Variants in CEP192 observed in about 807,000 individuals in gnomAD.
The protein encoded by CEP192 is centrosomal protein 192.
A neutral mutation model predicts 271.8 loss-of-function variants in CEP192; 151 were observed. The ratio of observed to expected loss-of-function variants is 0.56; its 90% CI spans 0.49 to 0.64. The LOEUF is 0.64. Ranked by LOEUF, CEP192 falls within the 30% of genes least tolerant of loss-of-function variation. The pLI is 0.00. For missense variants in CEP192, 2,910 were observed against 3,020.5 expected (o/e 0.96, Z 0.86); for synonymous variants, 995 against 1,076.5 (o/e 0.92, Z 1.48).
chr18:13,100,553 T>TA, intron 38 of CEP192, 41 bp downstream of exon 38: 1 of 1,432,370 alleles, frequency 7.0e-7, no homozygotes, highest in Non-Finnish European at 9.8e-7. Context: ...TGTCTGCTGA[T>TA]ATATTGAGTC....
chr18:13,105,313 G>A (rs946078863), intron 40 of CEP192, among the ~76,000 whole-genome samples: 27 of 152,212 alleles, frequency 1.8e-4, no homozygotes, highest in African/African-American at 6.5e-4. Context: ...CAGACTGCCA[G>A]TGCTTACAGT....
At chr18:13,103,755 A>T (rs1391792827) in intron 39 of CEP192, 167 bp downstream of exon 39, 1 of 662,704 alleles carries the variant, frequency 1.5e-6, no homozygotes, top group Non-Finnish European at 2.7e-6. Context: ...CAGTGGTATG[A>T]ACACTGCTCA....
chr18:13,029,174 C>T (rs188151341), intron 9 of CEP192, among the ~76,000 whole-genome samples: 1 of 152,326 alleles, frequency 6.6e-6, no homozygotes, highest in Admixed American at 6.5e-5. Context: ...TTTGAAGGCA[C>T]TGGATTAATT....
chr18:13,033,676 G>A (rs1365772649), intron 11 of CEP192, among the ~76,000 whole-genome samples: 1 of 152,146 alleles, frequency 6.6e-6, no homozygotes, highest in Non-Finnish European at 1.5e-5. Flanking sequence ...GACAAAATAG[G>A]GTATAAATTA....
intron 9 of CEP192, among the ~76,000 whole-genome samples, chr18:13,019,485 T>C (rs995353272): frequency 2.6e-5 from 4 of 152,214 alleles, no homozygotes; most frequent in African/African-American, 9.6e-5. Flanking sequence ...CAAACGGATC[T>C]TTTACCTTGC....
Position 13,049,230 on chromosome 18 carries a change from G to T in CEP192, c.2439G>T (p.Leu813Phe). 3.1e-6 allele frequency: 5 copies of T among 1,614,040 alleles called. No individual in the cohort carries two copies. Among genetic ancestry groups the T allele is most frequent in the Admixed American group, 1.7e-5 (1 of 60,014 alleles). ...TGTCTGATACTTGGGATTTATCTTT[G>T]CCCAAAGAACAAACTACTCAAGACA... ...ASMSDTWDLSLPKEQTTQDIH... is the reference protein window; with the variant it reads ...ASMSDTWDLSFPKEQTTQDIH... The change falls in exon 16 of 45, where the codon TTG becomes TTT. Residue 813 changes from leucine (L) to phenylalanine (F), a missense_variant. Coordinates refer to ENST00000506447, the MANE Select transcript of CEP192 (RefSeq NM_032142.4).
Position 13,040,899 on chromosome 18 carries a change from G to A in CEP192, c.1879G>A (p.Val627Ile). 4 of 1,607,216 alleles carry A rather than the reference G, an allele frequency of 2.5e-6. No homozygotes were observed. Among genetic ancestry groups the A allele is most frequent in the Admixed American group, 1.7e-5 (1 of 59,850 alleles). ...EPIALIRKSD[V>I]SRGNLEKEMA... ...TATTGCCTTAATAAGAAAATCTGAT[G>A]TATCAAGAGGTAATTTGGAAAAAGA... The change falls in exon 14 of 45, where the codon GTA (valine) becomes ATA (isoleucine). Residue 627 changes from valine to isoleucine, a missense_variant. Val to Ile is a conservative substitution (Grantham distance 29). Transcript: ENST00000506447.
At chr18:13,016,528 A>G (rs1002726541) in intron 6 of CEP192, among the ~76,000 whole-genome samples, 3 of 152,170 alleles carry the variant, frequency 2.0e-5, no homozygotes, top group Admixed American at 6.5e-5. Context: ...GGATTTTGGA[A>G]TAGTGGATAA....
At chr18:13,057,914 GT>G (rs1396555467) in intron 20 of CEP192, 181 bp downstream of exon 20, 3 of 400,640 alleles carry the variant, frequency 7.5e-6, no homozygotes, top group African/African-American at 2.1e-5. Flanking sequence ...AAGTGAAACA[GT>G]TTTGCATTTT....
At chr18:13,073,333 A>G in intron 30 of CEP192, 148 bp downstream of exon 30, 1 of 716,826 alleles carries the variant, frequency 1.4e-6, no homozygotes, top group Admixed American at 3.1e-5. Flanking sequence ...AGTAATTTAT[A>G]TGCTTTGTAG....
chr18:13,024,124 T>A (rs1194453190), intron 9 of CEP192, among the ~76,000 whole-genome samples: 1 of 152,238 alleles, frequency 6.6e-6, no homozygotes, highest in Non-Finnish European at 1.5e-5. Flanking sequence ...CATCTATTTC[T>A]CTTTGTAGTT....
intron 21 of CEP192, among the ~76,000 whole-genome samples, chr18:13,063,075 T>C (rs1334627892): frequency 6.6e-6 from 1 of 152,244 alleles, no homozygotes; most frequent in Non-Finnish European, 1.5e-5. Flanking sequence ...TTCCTATGGC[T>C]GAATCGTACT....
At chr18:13,042,400 C>T (rs998243248) in intron 15 of CEP192, 66 bp downstream of exon 15, 24 of 1,507,794 alleles carry the variant, frequency 1.6e-5, no homozygotes, top group South Asian at 9.5e-5. Flanking sequence ...AGGATCAAGA[C>T]GAGATCACCT....
Position 13,068,917 on chromosome 18 carries a change from A to T in CEP192, c.4888A>T (p.Thr1630Ser). ...TATCGAAGTTGACAGCCCAAACCCT[A>T]CGCCCGTTCTTAGAAGTGTGAGTCT... Reference protein sequence around the residue: ...VDIEVDSPNPTPVLRSVSLRA... With the variant: ...VDIEVDSPNPSPVLRSVSLRA... Residue 1630 changes from threonine to serine, a missense_variant, in exon 25 of 45, where the codon ACG becomes TCG. Physicochemically the swap from Thr to Ser is moderately conservative, Grantham distance 58 (BLOSUM62 1). Coordinates refer to ENST00000506447, the MANE Select transcript of CEP192 (RefSeq NM_032142.4). 1 of 1,614,128 alleles carries T rather than the reference A, an allele frequency of 6.2e-7. No individual in the cohort carries two copies. Among genetic ancestry groups the T allele is most frequent in the Non-Finnish European group, 8.5e-7 (1 of 1,180,012 alleles).
chr18:13,075,168 T>C (rs1010283463), intron 30 of CEP192, among the ~76,000 whole-genome samples: 1 of 152,198 alleles, frequency 6.6e-6, no homozygotes, highest in Non-Finnish European at 1.5e-5. Flanking sequence ...TAAAAAGGCC[T>C]GAGGGAGGGA....
intron 20 of CEP192, chr18:13,058,737 C>G (rs2037248666): frequency 4.6e-6 from 1 of 215,566 alleles, no homozygotes; most frequent in Non-Finnish European, 9.3e-6. Context: ...CCCCCCAGCC[C>G]CCACCCACTG....
intron 3 of CEP192, among the ~76,000 whole-genome samples, chr18:13,005,384 C>T (rs2033919072): frequency 6.6e-6 from 1 of 152,116 alleles, no homozygotes; most frequent in African/African-American, 2.4e-5. Context: ...GGAGTGCCAG[C>T]AGTGAGGCAT....
At chr18:13,024,455 G>A in intron 9 of CEP192, 1 of 376,022 alleles carries the variant, frequency 2.7e-6, no homozygotes, top group East Asian at 8.0e-5. Flanking sequence ...TGGTGTGTTT[G>A]TTTGTTTATT....
intron 32 of CEP192, chr18:13,089,017 A>T (rs1385388127): frequency 3.1e-6 from 1 of 327,762 alleles, no homozygotes; most frequent in Non-Finnish European, 6.1e-6. Flanking sequence ...ACATCTGAGT[A>T]TTATAGAGAA....
Sources: allele counts gnomAD v4.1 joint callset (sites outside exome capture counted in the v4.1 genomes callset), GRCh38; gene constraint gnomAD v4.1.1; transcripts MANE v1.5; gene names NCBI Gene and HGNC (gene_info 2026-07-23, HGNC 2026-07-21).